Variants in NDUFA5 observed in about 807,000 individuals in gnomAD.
NDUFA5 encodes the protein NADH dehydrogenase [ubiquinone] 1 alpha subcomplex subunit 5.
A neutral mutation model predicts 19.8 loss-of-function variants in NDUFA5; 11 were observed. The ratio of observed to expected loss-of-function variants is 0.56; its 90% CI spans 0.35 to 0.92. NDUFA5 has a LOEUF of 0.92. Among genes scored for constraint, NDUFA5 ranks in the 40% least tolerant of loss-of-function variants. The pLI is 0.01. For synonymous variants in NDUFA5, 47 were observed against 46.8 expected, an observed-to-expected ratio of 1.00 and a Z score of -0.01; for missense variants, 109 against 134.2, an observed-to-expected ratio of 0.81 and a Z score of 0.93.
intron 4 of NDUFA5, among the ~76,000 whole-genome samples, chr7:123,542,807 C>T (rs1024723987): frequency 1.3e-5 from 2 of 152,048 alleles, no homozygotes; most frequent in African/African-American, 4.8e-5. Context: ...TATTTACTAA[C>T]TGAGTAAATT....
the NDUFA5 span, chr7:123,598,792 G>T: frequency 6.6e-6 from 1 of 151,986 alleles, no homozygotes; most frequent in African/African-American, 2.4e-5. Flanking sequence ...TACTATTTCC[G>T]TCACTTGCCT....
In NDUFA5 at chr7:123,542,173, T is replaced by C. The variant is rs1267941080; in HGVS notation, c.297A>G (p.Leu99=). ...GAGGCTCTTCCACTAATGGCTCCCATAGTTTCCATTCCCTCATTTTTCTTG... is the reference window on the plus strand; with the variant it reads ...GAGGCTCTTCCACTAATGGCTCCCACAGTTTCCATTCCCTCATTTTTCTTG... ...NLARKMREWK[L]WEPLVEEPPA... is the part of the protein sequence containing the mutation. The change falls in exon 5 of 5, where the codon CTA becomes CTG. Residue 99 remains leucine (L), a synonymous_variant. Coordinates refer to ENST00000355749, the MANE Select transcript of NDUFA5 (RefSeq NM_005000.5). The C allele has an allele frequency of 6.2e-7, 1 of 1,612,212 alleles. No individual in the cohort carries two copies. Among genetic ancestry groups the C allele is most frequent in the Non-Finnish European group, 8.5e-7 (1 of 1,179,230 alleles).
the NDUFA5 span, among the ~76,000 whole-genome samples, chr7:123,574,756 AT>A: frequency 6.6e-6 from 1 of 151,670 alleles, no homozygotes; most frequent in Non-Finnish European, 1.5e-5. Flanking sequence ...ATCAAGCAAT[AT>A]TTTTTTTCTT....
intron 2 of NDUFA5, chr7:123,556,889 CTTTT>C (rs765390004): frequency 1.9e-6 from 1 of 513,568 alleles, no homozygotes; most frequent in Non-Finnish European, 3.9e-6. Context: ...AGAGATAACT[CTTTT>C]GAGTTATCTG....
At chr7:123,597,917 CGTGTGT>C in the NDUFA5 span, among the ~76,000 whole-genome samples, 440 of 133,056 alleles carry the variant, frequency 3.3e-3, 3 homozygotes, top group South Asian at 8.5e-3. Flanking sequence ...TTTCAAACTT[CGTGTGT>C]GTGTGTGTGT....
At position 123,540,904 on chromosome 7, in the gene NDUFA5, A is replaced by AGTG. The variant is rs1562890096; in HGVS notation, c.*1214_*1215insCAC. On this transcript the variant is annotated 3_prime_UTR_variant, in exon 5 of 5. Coordinates refer to ENST00000355749, the MANE Select transcript of NDUFA5 (RefSeq NM_005000.5). ...CGCATGCGCGTGCACACACACACACACACACACACACACACACACACACAC... is the reference window on the plus strand; with the variant it reads ...CGCATGCGCGTGCACACACACACACAGTGCACACACACACACACACACACACAC... 1 of 147,620 alleles carries AGTG rather than the reference A, an allele frequency of 6.8e-6. No homozygotes were observed. Among genetic ancestry groups the AGTG allele is most frequent in the Non-Finnish European group, 1.5e-5 (1 of 68,452 alleles). The allele number at this position is 147,620 out of a possible 1,614,324, so 9.1% of individuals were successfully genotyped here. A position where few individuals can be genotyped will look rare whatever the true frequency, so the allele number is the denominator to read the frequency against.
At chr7:123,550,348 T>C in intron 3 of NDUFA5, 122 bp downstream of exon 3, 2 of 669,916 alleles carry the variant, frequency 3.0e-6, no homozygotes, top group South Asian at 3.2e-5. Context: ...GGAGGAATGA[T>C]GGGAAAAGAG....
the NDUFA5 span, among the ~76,000 whole-genome samples, chr7:123,586,959 T>C: frequency 6.6e-6 from 1 of 151,798 alleles, no homozygotes; most frequent in Admixed American, 6.6e-5. Flanking sequence ...GTCTTTGTAT[T>C]ATAATTTGAA....
intron 3 of NDUFA5, 31 bp downstream of exon 3, chr7:123,550,439 A>ACTGGATACCACCAATC (rs4147636): frequency 6.2e-6 from 8 of 1,296,466 alleles, no homozygotes; most frequent in Non-Finnish European, 8.8e-6. Flanking sequence ...TAAATGTTAC[A>ACTGGATACCACCAATC]CAAGACAACA....
chr7:123,551,785 C>G (rs1798350096), intron 2 of NDUFA5, among the ~76,000 whole-genome samples: 3 of 152,138 alleles, frequency 2.0e-5, no homozygotes, highest in Admixed American at 2.0e-4. Context: ...GTATAGAAAT[C>G]AGTAAGAAGT....
At chr7:123,557,330 C>T (rs1205818882) in intron 2 of NDUFA5, 74 bp downstream of exon 2, 5 of 1,599,872 alleles carry the variant, frequency 3.1e-6, no homozygotes, top group Non-Finnish European at 4.3e-6. Context: ...CCCGTTAACC[C>T]TGCAATAAGC....
upstream of NDUFA5, among the ~76,000 whole-genome samples, chr7:123,561,690 C>T (rs1798690110): frequency 6.6e-6 from 1 of 152,086 alleles, no homozygotes; most frequent in Non-Finnish European, 1.5e-5. Flanking sequence ...CTCTGCTGCC[C>T]CAGTTCAAGC....
chr7:123,537,568 T>C lies in NDUFA5; in HGVS notation c.*4551A>G, dbSNP rs1797789462. ...TACATTATGTAACACATTAAGAGGGTCTGAGGAAGCAGTTTAGAATCAAAT... is the reference window on the plus strand; with the variant it reads ...TACATTATGTAACACATTAAGAGGGCCTGAGGAAGCAGTTTAGAATCAAAT... On this transcript the variant is annotated 3_prime_UTR_variant, in exon 5 of 5. Coordinates refer to ENST00000355749, the MANE Select transcript of NDUFA5 (RefSeq NM_005000.5). The C allele has an allele frequency of 6.6e-6, 1 of 152,196 alleles. No homozygotes were observed. The highest frequency in any genetic ancestry group is 2.4e-5 in the African/African-American group (1 of 41,544). The allele number at this position is 152,196 out of a possible 1,614,324, so 9.4% of individuals were successfully genotyped here. A position where few individuals can be genotyped will look rare whatever the true frequency, so the allele number is the denominator to read the frequency against.
chr7:123,579,064 C>T, the NDUFA5 span, among the ~76,000 whole-genome samples: 1 of 152,044 alleles, frequency 6.6e-6, no homozygotes, highest in Admixed American at 6.6e-5. Context: ...CTCGCTCCCT[C>T]CTTCCTCCCT....
upstream of NDUFA5, among the ~76,000 whole-genome samples, chr7:123,561,551 C>A (rs1562902260): frequency 6.6e-6 from 1 of 152,116 alleles, no homozygotes; most frequent in South Asian, 2.1e-4. Context: ...GAGTTGGAAT[C>A]AACTTTTGCT....
chr7:123,564,972 C>A, the NDUFA5 span, among the ~76,000 whole-genome samples: 1 of 150,686 alleles, frequency 6.6e-6, no homozygotes, highest in Non-Finnish European at 1.5e-5. Context: ...CACACACATA[C>A]ATGTAGAGAG....
chr7:123,556,664 T>C (rs73222282), intron 2 of NDUFA5: 98,848 of 357,948 alleles, frequency 0.28, 14,602 homozygotes, highest in Admixed American at 0.35. Context: ...AAGCTGACCA[T>C]TGGATTTGGC....
the NDUFA5 span, among the ~76,000 whole-genome samples, chr7:123,573,969 C>T: frequency 1.3e-5 from 2 of 152,030 alleles, no homozygotes; most frequent in Non-Finnish European, 2.9e-5. Context: ...AACTGAACTT[C>T]ATTAGGTCGC....
the NDUFA5 span, among the ~76,000 whole-genome samples, chr7:123,576,251 A>G: frequency 2.0e-5 from 3 of 150,212 alleles, no homozygotes; most frequent in African/African-American, 4.9e-5. Flanking sequence ...TGCAGCTTTA[A>G]TTTGATCTTC....
Sources: gnomAD v4.1 joint callset for allele counts (sites outside exome capture counted in the v4.1 genomes callset) on GRCh38, gnomAD v4.1.1 for gene constraint, MANE v1.5 for transcripts, NCBI Gene and HGNC (gene_info 2026-07-23, HGNC 2026-07-21) for gene names.